Variants in GLIS1 observed in about 807,000 individuals in gnomAD.
GLIS1 encodes the protein zinc finger protein GLIS1.
A neutral mutation model predicts 63.8 loss-of-function variants in GLIS1; 24 were observed. The observed-to-expected ratio is 0.38, with a 90% CI of 0.27 to 0.53. The LOEUF (loss-of-function observed/expected upper bound fraction) is 0.53, where lower values mean the gene tolerates loss of function less well. Ranked by LOEUF, GLIS1 falls within the 20% of genes least tolerant of loss-of-function variation. GLIS1 has a pLI of 0.85. For missense variants in GLIS1, 1,036 were observed against 1,074.1 expected (o/e 0.96, Z 0.50); for synonymous variants, 450 against 482.5 (o/e 0.93, Z 0.88).
At chr1:53,550,051 A>G (rs1326888585) in intron 4 of GLIS1, among the ~76,000 whole-genome samples, 1 of 152,232 alleles carries the variant, frequency 6.6e-6, no homozygotes, top group Non-Finnish European at 1.5e-5. Flanking sequence ...ACTCCCTGAT[A>G]GGCATCAGAG....
In GLIS1 at chr1:53,511,159, A is replaced by C. The variant is rs1049663790; in HGVS notation, c.1884-1132T>G. 6.6e-6 allele frequency among the ~76,000 whole-genome samples: 1 copy of C among 152,198 alleles called. No homozygotes were observed. The highest frequency in any genetic ancestry group is 2.4e-5 in the African/African-American group (1 of 41,452). On this transcript the variant is annotated intron_variant, in intron 8 of 10. Coordinates refer to ENST00000628545, the MANE Select transcript of GLIS1 (RefSeq NM_001367484.1). This position sits in a 1 kb window ranked among gnomAD's most constrained non-coding sequence, Gnocchi z 4.2. Reference sequence around the variant, plus strand: ...CCCAGCCTGTAAAGCATTTATGTACATGGCAGAAAGAGGGAGATAGTGAGA... The same window carrying C: ...CCCAGCCTGTAAAGCATTTATGTACCTGGCAGAAAGAGGGAGATAGTGAGA...
rs1644470220 is a variant in GLIS1, at chr1:53,526,484, G to A, written c.1483-1597C>T. Among the ~76,000 whole-genome samples, 1 of 151,958 alleles carries A rather than the reference G, an allele frequency of 6.6e-6. No homozygotes were observed. Among genetic ancestry groups the A allele is most frequent in the African/African-American group, 2.4e-5 (1 of 41,332 alleles). On this transcript the variant is annotated intron_variant, in intron 5 of 10. Coordinates refer to ENST00000628545, the MANE Select transcript of GLIS1 (RefSeq NM_001367484.1). The surrounding 1 kb of genome is among the most constrained non-coding windows in gnomAD (Gnocchi z 4.4). The stretch of plus-strand genomic sequence containing the variant: ...CCGCGGATGGCCCCTGCTGCCCCCA[G>A]CCCACCGCACCCCAGAGGTAGGCTC...
intron 4 of GLIS1, among the ~76,000 whole-genome samples, chr1:53,573,214 CT>C (rs1276292195): frequency 2.6e-5 from 4 of 152,196 alleles, no homozygotes; most frequent in African/African-American, 9.7e-5. Context: ...TGCTCCCACA[CT>C]TTGGGGATGG....
chr1:53,656,354 C>G (rs185386036), intron 2 of GLIS1, among the ~76,000 whole-genome samples: 1 of 152,186 alleles, frequency 6.6e-6, no homozygotes, highest in Non-Finnish European at 1.5e-5. Flanking sequence ...TCCTCCTGGC[C>G]AAGCTGCAGA....
chr1:53,554,716 C>T (rs901214594), intron 4 of GLIS1, among the ~76,000 whole-genome samples: 1 of 152,168 alleles, frequency 6.6e-6, no homozygotes, highest in African/African-American at 2.4e-5. Context: ...CCCCACCAAG[C>T]CTGACCTGGA....
chr1:53,731,170 C>T (rs915365583), intron 2 of GLIS1, among the ~76,000 whole-genome samples: 6 of 152,212 alleles, frequency 3.9e-5, no homozygotes, highest in African/African-American at 1.4e-4. Flanking sequence ...ACGGGAGTTG[C>T]CACTGCTTCT....
chr1:53,535,868 C>T (rs1439530596), intron 4 of GLIS1, among the ~76,000 whole-genome samples: 1 of 152,010 alleles, frequency 6.6e-6, no homozygotes, highest in African/African-American at 2.4e-5. Flanking sequence ...AGATCCTCAC[C>T]CTGGCATTCT....
intron 4 of GLIS1, among the ~76,000 whole-genome samples, chr1:53,563,017 A>T (rs1384641334): frequency 6.6e-6 from 1 of 152,262 alleles, no homozygotes; most frequent in East Asian, 1.9e-4. Context: ...TATGCATAAA[A>T]TATAGCTTCT....
rs144721118 is a variant in GLIS1 at position 53,730,667 on chromosome 1, G to A, written c.259+7139C>T. On this transcript the variant is annotated intron_variant, in intron 2 of 10. Transcript: ENST00000628545. ...TCATTCACTCCCCTTCAGACACAGCGGCACGTAGGAAGGCAAAAACACCTC... is the reference window on the plus strand; with the variant it reads ...TCATTCACTCCCCTTCAGACACAGCAGCACGTAGGAAGGCAAAAACACCTC... Among the ~76,000 whole-genome samples the A allele has an allele frequency of 2.5e-3, 381 of 152,212 alleles. 2 individuals carry two copies. Among genetic ancestry groups the A allele is most frequent in the Non-Finnish European group, 4.3e-4 (29 of 68,016 alleles).
rs539740580 is a variant in GLIS1 at position 53,509,977 on chromosome 1, C to A, written c.1934G>T (p.Gly645Val). 5.2e-5 allele frequency: 67 copies of A among 1,291,892 alleles called. No individual in the cohort carries two copies. The East Asian group carries it at 1.7e-3, about 34-fold the overall frequency. 80.0% of individuals were successfully genotyped at this position (1,291,892 alleles called of 1,614,324 possible). The change falls in exon 9 of 11, where the codon GGG becomes GTG. Residue 645 changes from glycine to valine, a missense_variant. Around this residue, in one of 3 missense-constraint regions of GLIS1, gnomAD observed 400 missense variants for 400.9 expected, o/e 1.00. Transcript: ENST00000628545. ...AGAGGATGGGGGCAGCGGCGGTGGC[C>A]CCAGCCCCTTCAGGGGGCTGACTAT... ...SPIVSPLKGL[G>V]PPPLPPSSQS...
chr1:53,583,815 T>C (rs1645108624), intron 4 of GLIS1, among the ~76,000 whole-genome samples: 1 of 152,210 alleles, frequency 6.6e-6, no homozygotes, highest in Non-Finnish European at 1.5e-5. Context: ...GAAGAAGATT[T>C]ATTGTGGGGA....
chr1:53,723,086 T>C (rs1275287196), intron 2 of GLIS1, among the ~76,000 whole-genome samples: 3 of 151,784 alleles, frequency 2.0e-5, no homozygotes, highest in Admixed American at 1.3e-4. Context: ...TGAGCCAAGA[T>C]CGTGACACTG....
chr1:53,507,442 C>CA (rs1240039455), intron 10 of GLIS1, among the ~76,000 whole-genome samples: 1 of 152,102 alleles, frequency 6.6e-6, no homozygotes, highest in African/African-American at 2.4e-5. Context: ...ATGCTGTCTC[C>CA]AGGGTGGGGC....
intron 2 of GLIS1, among the ~76,000 whole-genome samples, chr1:53,627,718 G>C (rs1019765436): frequency 6.6e-6 from 1 of 152,220 alleles, no homozygotes; most frequent in Non-Finnish European, 1.5e-5. Context: ...CCTGGCTGGG[G>C]AGTCCACTGG....
rs202245997 is a variant in GLIS1 at position 53,514,739 on chromosome 1, G to A, written c.1769C>T (p.Ser590Leu). The change falls in exon 8 of 11, where the codon TCG (serine) becomes TTG (leucine). Residue 590 changes from serine (S) to leucine (L), a missense_variant. By Grantham distance (145) the Ser-to-Leu change is moderately radical. Transcript: ENST00000628545. The stretch of plus-strand genomic sequence containing the variant: ...GTCGTGCGCTGGGGGCAGGAGGCCC[G>A]ATGCAAGTCCGTTATGGGGGGTGAT... Reference protein sequence around the residue: ...GSITPHNGLASGLLPPAHDVP... With the variant: ...GSITPHNGLALGLLPPAHDVP... 5.6e-5 allele frequency: 90 copies of A among 1,610,448 alleles called. No individual in the cohort carries two copies. Among genetic ancestry groups the A allele is most frequent in the Non-Finnish European group, 7.0e-5 (82 of 1,178,394 alleles).
At chr1:53,648,196 A>C (rs1217229242) in intron 2 of GLIS1, among the ~76,000 whole-genome samples, 1 of 152,210 alleles carries the variant, frequency 6.6e-6, no homozygotes, top group Non-Finnish European at 1.5e-5. Flanking sequence ...AAATTAAAAA[A>C]AAGACTTGAA....
At chr1:53,586,499 C>G (rs1490177504) in intron 4 of GLIS1, among the ~76,000 whole-genome samples, 1 of 152,226 alleles carries the variant, frequency 6.6e-6, no homozygotes, top group Non-Finnish European at 1.5e-5. Flanking sequence ...TTTCCCTTTT[C>G]TCTTTCGCAA....
At chr1:53,608,274 T>TA (rs1427713111) in intron 2 of GLIS1, among the ~76,000 whole-genome samples, 1 of 152,344 alleles carries the variant, frequency 6.6e-6, no homozygotes, top group Non-Finnish European at 1.5e-5. Flanking sequence ...TGTCTCTTCT[T>TA]AAAAGCATAC....
intron 4 of GLIS1, among the ~76,000 whole-genome samples, chr1:53,534,963 C>G (rs1427528710): frequency 6.6e-6 from 1 of 151,950 alleles, no homozygotes; most frequent in Non-Finnish European, 1.5e-5. Context: ...GCCCTGACAC[C>G]CAGGCAGGGG....
Sources: allele counts gnomAD v4.1 joint callset (sites outside exome capture counted in the v4.1 genomes callset), GRCh38; gene constraint gnomAD v4.1.1; regional missense constraint gnomAD v4.1.1; non-coding constraint Gnocchi (gnomAD v3.1); transcripts MANE v1.5; gene names NCBI Gene and HGNC (gene_info 2026-07-23, HGNC 2026-07-21).